Variants in TTBK2 observed in about 807,000 individuals in gnomAD.
The protein encoded by TTBK2 is tau-tubulin kinase 2.
A neutral mutation model predicts 110.8 loss-of-function variants in TTBK2; 28 were observed. The observed-to-expected ratio is 0.25, with a 90% CI of 0.19 to 0.35. TTBK2 has a LOEUF of 0.35. TTBK2 is among the 10% of genes least tolerant of loss of function. TTBK2 has a pLI of 1.00. For synonymous variants in TTBK2, 532 were observed against 527.3 expected (o/e 1.01, Z -0.12); for missense variants, 1,369 against 1,500.3 (o/e 0.91, Z 1.45).
In TTBK2 at chr15:42,763,186, ATATATATTTTTTTTTTTTTTTT is replaced by A. The variant is rs1889171266; in HGVS notation, c.1999-9961_1999-9940del. Among the ~76,000 whole-genome samples, 5 of 24,374 alleles carry A rather than the reference ATATATATTTTTTTTTTTTTTTT, an allele frequency of 2.1e-4. 1 individual carries two copies. Among genetic ancestry groups the A allele is most frequent in the African/African-American group, 1.1e-3 (5 of 4,644 alleles). The allele number at this position is 24,374 out of a possible 152,430, so 16.0% of individuals were successfully genotyped here. A position where few individuals can be genotyped will look rare whatever the true frequency, so the allele number is the denominator to read the frequency against. On this transcript the variant is annotated intron_variant, in intron 13 of 14. Coordinates refer to ENST00000267890, the MANE Select transcript of TTBK2 (RefSeq NM_173500.4). ...TATATATATATATATATATATATATATATATATTTTTTTTTTTTTTTTTTTTTTTTTTTTTTTTTTTTTTTTG... is the reference window on the plus strand; with the variant it reads ...TATATATATATATATATATATATATATTTTTTTTTTTTTTTTTTTTTTTTG...
In TTBK2 at chr15:42,778,019, C is replaced by CA. The variant is rs965237755; in HGVS notation, c.1198-778dup. On this transcript the variant is annotated intron_variant, in intron 11 of 14. Transcript: ENST00000267890. Reference sequence around the variant, plus strand: ...TCCCATCAATTATTAATTAATTAGCCAAAAAAAAAAAGAGAGAGAATCAAT... The same window carrying CA: ...TCCCATCAATTATTAATTAATTAGCCAAAAAAAAAAAAGAGAGAGAATCAAT... Among the ~76,000 whole-genome samples the CA allele has an allele frequency of 3.7e-3, 501 of 136,022 alleles. 2 individuals carry two copies. Among genetic ancestry groups the CA allele is most frequent in the African/African-American group, 0.011 (408 of 37,046 alleles). 89.2% of individuals were successfully genotyped at this position (136,022 alleles called of 152,430 possible).
intron 13 of TTBK2, among the ~76,000 whole-genome samples, chr15:42,755,687 G>A (rs2061936712): frequency 6.6e-6 from 1 of 152,188 alleles, no homozygotes; most frequent in Admixed American, 6.5e-5. Flanking sequence ...CCTTCAGGAA[G>A]TTATCTCATA....
At chr15:42,776,107 T>C (rs887031792) in intron 12 of TTBK2, among the ~76,000 whole-genome samples, 2 of 152,228 alleles carry the variant, frequency 1.3e-5, no homozygotes, top group African/African-American at 4.8e-5. Context: ...ATAACATAGC[T>C]ATGAATGATT....
chr15:42,815,212 G>T (rs918559251), intron 7 of TTBK2, among the ~76,000 whole-genome samples: 1 of 151,936 alleles, frequency 6.6e-6, no homozygotes, highest in Admixed American at 6.6e-5. Flanking sequence ...TAGATATCAT[G>T]AAATAAAGCA....
At chr15:42,796,408 AAGAG>A (rs200371406) in intron 9 of TTBK2, among the ~76,000 whole-genome samples, 1 of 152,032 alleles carries the variant, frequency 6.6e-6, no homozygotes, top group Non-Finnish European at 1.5e-5. Context: ...CTCAAAAAAA[AAGAG>A]AGAGAGAGAG....
intron 11 of TTBK2, among the ~76,000 whole-genome samples, chr15:42,778,078 C>A (rs1278378734): frequency 4.6e-5 from 7 of 150,810 alleles, no homozygotes; most frequent in Non-Finnish European, 5.9e-5. Flanking sequence ...ATTGACACAA[C>A]AGAAATAATA....
At chr15:42,891,620 C>G (rs1166830589) in intron 1 of TTBK2, among the ~76,000 whole-genome samples, 1 of 152,086 alleles carries the variant, frequency 6.6e-6, no homozygotes, top group Non-Finnish European at 1.5e-5. Context: ...TACCCTGGCT[C>G]CACAAGTAGA....
At chr15:42,897,759 A>G (rs1895721649) in intron 1 of TTBK2, among the ~76,000 whole-genome samples, 1 of 152,104 alleles carries the variant, frequency 6.6e-6, no homozygotes, top group African/African-American at 2.4e-5. Context: ...CAAGTTGGAC[A>G]GAAGATGTAC....
chr15:42,768,619 C>G (rs1474655318), intron 13 of TTBK2, among the ~76,000 whole-genome samples: 1 of 152,122 alleles, frequency 6.6e-6, no homozygotes, highest in Non-Finnish European at 1.5e-5. Context: ...AGGATACAAA[C>G]AAATGGAAGA....
intron 3 of TTBK2, among the ~76,000 whole-genome samples, chr15:42,870,611 C>G (rs991640258): frequency 6.6e-6 from 1 of 151,730 alleles, no homozygotes; most frequent in East Asian, 1.9e-4. Context: ...GTCTGTAATC[C>G]CAGTACTTTG....
At chr15:42,881,277 C>T (rs1158813972) in intron 1 of TTBK2, among the ~76,000 whole-genome samples, 1 of 113,332 alleles carries the variant, frequency 8.8e-6, no homozygotes, top group Admixed American at 1.1e-4. Flanking sequence ...AGCAAGCTTC[C>T]GTCTCAAAAA....
chr15:42,818,922 C>CA (rs563663271), intron 6 of TTBK2, among the ~76,000 whole-genome samples: 1,896 of 119,538 alleles, frequency 0.016, 23 homozygotes, highest in Non-Finnish European at 0.021. Flanking sequence ...GACTCCGTCT[C>CA]AAAAAAAAAA....
In TTBK2 at chr15:42,816,118, A is replaced by ATATATATATG. The variant is rs1235814767; in HGVS notation, c.603+913_603+914insCATATATATA. Among the ~76,000 whole-genome samples the ATATATATATG allele has an allele frequency of 4.2e-4, 44 of 104,150 alleles. 1 individual carries two copies. The highest frequency in any genetic ancestry group is 1.3e-3 in the African/African-American group (34 of 25,778). 68.3% of individuals were successfully genotyped at this position (104,150 alleles called of 152,430 possible). A position where few individuals can be genotyped will look rare whatever the true frequency, so the allele number is the denominator to read the frequency against. On this transcript the variant is annotated intron_variant, in intron 7 of 14. Transcript: ENST00000267890. ...TATATATATATATATATATATATAT[A>ATATATATATG]TGTGTATATTTTTTTTGAGACAGAG...
chr15:42,850,363 G>T (rs904388714), intron 3 of TTBK2, among the ~76,000 whole-genome samples: 8 of 152,206 alleles, frequency 5.3e-5, no homozygotes, highest in African/African-American at 1.9e-4. Context: ...TCAGGCTGGG[G>T]TATACTGGAA....
chr15:42,817,646 T>TATGAAAAATATG (rs1314049187), intron 6 of TTBK2, among the ~76,000 whole-genome samples: 4 of 152,190 alleles, frequency 2.6e-5, no homozygotes, highest in Admixed American at 1.3e-4. Flanking sequence ...ATACTAGAAA[T>TATGAAAAATATG]AACACCAACA....
At chr15:42,779,101 A>G (rs528395058) in intron 11 of TTBK2, among the ~76,000 whole-genome samples, 1 of 152,360 alleles carries the variant, frequency 6.6e-6, no homozygotes, top group East Asian at 1.9e-4. Flanking sequence ...GAGGAAAAAT[A>G]ACTATCAATA....
At position 42,911,720 on chromosome 15, in the gene TTBK2, T is replaced by A. The variant is rs182076795; in HGVS notation, c.-68+8718A>T. Among the ~76,000 whole-genome samples, 5 of 152,260 alleles carry A rather than the reference T, an allele frequency of 3.3e-5. No individual in the cohort carries two copies. In the East Asian group the frequency reaches 9.6e-4, roughly 29 times the overall value. ...ACCCACAGAACAGTTAACTAATAAA[T>A]AATTATTGTTTTAGCCTCTAAATTT... On this transcript the variant is annotated intron_variant, in intron 1 of 14. Transcript: ENST00000267890.
intron 13 of TTBK2, among the ~76,000 whole-genome samples, chr15:42,754,595 C>A (rs1306598595): frequency 1.4e-5 from 2 of 147,338 alleles, no homozygotes; most frequent in African/African-American, 4.9e-5. Flanking sequence ...CGGGGTTTCA[C>A]CATGTTGGTC....
chr15:42,794,595 T>G lies in TTBK2; in HGVS notation c.980+49A>C. The G allele has an allele frequency of 1.9e-6, 3 of 1,613,928 alleles. No individual in the cohort carries two copies. In the East Asian group the frequency reaches 6.7e-5, roughly 36 times the overall value. ...TCTGGATGAAGTAAATTTTTGCAAA[T>G]ATAATACATCCAGGAAAGACACCAC... On this transcript the variant is annotated intron_variant, in intron 10 of 14. Transcript: ENST00000267890.
Sources: allele counts gnomAD v4.1 joint callset (sites outside exome capture counted in the v4.1 genomes callset), GRCh38; gene constraint gnomAD v4.1.1; transcripts MANE v1.5; gene names NCBI Gene and HGNC (gene_info 2026-07-23, HGNC 2026-07-21).